The following ZNF609 variants were observed in gnomAD, a reference collection of about 807,000 sequenced individuals.
ZNF609 encodes zinc finger protein 609.
A neutral mutation model predicts 109.5 loss-of-function variants in ZNF609; 11 were observed. That is an observed-to-expected ratio of 0.10 (90% CI 0.06 to 0.17). The LOEUF (loss-of-function observed/expected upper bound fraction) is 0.17. Among genes scored for constraint, ZNF609 ranks in the 10% least tolerant of loss-of-function variants. The probability of loss-of-function intolerance (pLI) is 1.00; values close to 1 mark genes in which losing one functional copy is unlikely to be tolerated. For synonymous variants in ZNF609, 646 were observed against 662.0 expected (o/e 0.98, Z 0.37); for missense variants, 1,559 against 1,772.4 (o/e 0.88, Z 2.16).
chr15:64,515,151 T>A (rs1293469666), intron 2 of ZNF609, among the ~76,000 whole-genome samples: 1 of 152,220 alleles, frequency 6.6e-6, no homozygotes, highest in Non-Finnish European at 1.5e-5. Flanking sequence ...CATTATAGTC[T>A]GGGTACAGCA....
At chr15:64,541,576 C>T (rs536747708) in intron 2 of ZNF609, among the ~76,000 whole-genome samples, 9 of 152,028 alleles carry the variant, frequency 5.9e-5, no homozygotes, top group Non-Finnish European at 7.4e-5. Flanking sequence ...TGCCGTGGCT[C>T]ATGCCTGTAA....
intron 2 of ZNF609, among the ~76,000 whole-genome samples, chr15:64,587,281 A>T (rs777551316): frequency 3.4e-4 from 51 of 152,164 alleles, no homozygotes; most frequent in Non-Finnish European, 6.0e-4. Context: ...TCGAGGAAAA[A>T]ATCCTGTCTT....
At chr15:64,679,994 A>G (rs1317941591) in intron 6 of ZNF609, among the ~76,000 whole-genome samples, 191 bp from the exon 7 acceptor site, 3 of 152,154 alleles carry the variant, frequency 2.0e-5, no homozygotes, top group Non-Finnish European at 2.9e-5. Context: ...TGTTCCTAAT[A>G]TCCCTTAGCT....
chr15:64,562,207 T>G (rs1030234478), intron 2 of ZNF609, among the ~76,000 whole-genome samples: 9 of 152,220 alleles, frequency 5.9e-5, no homozygotes, highest in African/African-American at 2.2e-4. Context: ...CCAAGAACAT[T>G]GATAAATGTT....
chr15:64,517,962 C>G (rs755770422), intron 2 of ZNF609, among the ~76,000 whole-genome samples: 1 of 151,542 alleles, frequency 6.6e-6, no homozygotes, highest in Non-Finnish European at 1.5e-5. Flanking sequence ...GATTTTTTGT[C>G]GAGACAGGGT....
At chr15:64,610,356 G>C (rs1182254909) in intron 2 of ZNF609, among the ~76,000 whole-genome samples, 1 of 152,076 alleles carries the variant, frequency 6.6e-6, no homozygotes, top group Non-Finnish European at 1.5e-5. Context: ...AGGAAAGAGA[G>C]GATTAGGAAA....
rs1247258022 is a variant in ZNF609, at chr15:64,662,670, A to T, written c.974-7676A>T. 2.0e-5 allele frequency among the ~76,000 whole-genome samples: 3 copies of T among 146,984 alleles called. No individual in the cohort carries two copies. In the Admixed American group the frequency reaches 2.0e-4, roughly 10 times the overall value. On this transcript the variant is annotated intron_variant, in intron 3 of 9. Transcript: ENST00000326648. ...TGAGATATTTCTACTAAAACTAATA[A>T]TTTTTTTTTTCTTGAGACAGGGTCT...
intron 1 of ZNF609, among the ~76,000 whole-genome samples, chr15:64,467,098 A>T (rs554270908): frequency 4.6e-5 from 7 of 152,204 alleles, no homozygotes; most frequent in Non-Finnish European, 8.8e-5. Flanking sequence ...AGAGTCCCAG[A>T]AATAAGAGAT....
chr15:64,503,658 A>T (rs941557712), intron 2 of ZNF609, among the ~76,000 whole-genome samples: 4 of 152,140 alleles, frequency 2.6e-5, no homozygotes, highest in African/African-American at 9.7e-5. Context: ...GTAGTTAAAG[A>T]AAGGATCTAG....
At chr15:64,468,449 G>A (rs536592545) in intron 1 of ZNF609, among the ~76,000 whole-genome samples, 3 of 150,932 alleles carry the variant, frequency 2.0e-5, no homozygotes, top group South Asian at 2.1e-4. Context: ...TTTTTGTTTC[G>A]CTGCATTGCC....
intron 2 of ZNF609, among the ~76,000 whole-genome samples, chr15:64,511,634 C>T (rs1467774319): frequency 1.3e-5 from 2 of 151,822 alleles, no homozygotes; most frequent in Non-Finnish European, 2.9e-5. Context: ...GGGTACGTAT[C>T]AGAGTCACTT....
intron 3 of ZNF609, among the ~76,000 whole-genome samples, chr15:64,639,841 G>T (rs926240108): frequency 6.6e-6 from 1 of 152,142 alleles, no homozygotes; most frequent in East Asian, 1.9e-4. Flanking sequence ...GAGAGACATT[G>T]CTTCCCAAAG....
At chr15:64,610,118 C>G (rs1895693472) in intron 2 of ZNF609, among the ~76,000 whole-genome samples, 1 of 152,166 alleles carries the variant, frequency 6.6e-6, no homozygotes, top group East Asian at 1.9e-4. Context: ...ACAAGGATCT[C>G]TTGAGCCCAG....
chr15:64,549,990 G>A (rs1482856922), intron 2 of ZNF609, among the ~76,000 whole-genome samples: 1 of 151,952 alleles, frequency 6.6e-6, no homozygotes, highest in African/African-American at 2.4e-5. Flanking sequence ...AGAGACAAGG[G>A]TCTTGCTATA....
intron 2 of ZNF609, among the ~76,000 whole-genome samples, chr15:64,562,806 T>C (rs1894701256): frequency 6.6e-6 from 1 of 152,046 alleles, no homozygotes; most frequent in South Asian, 2.1e-4. Flanking sequence ...ATTTTAATAT[T>C]AGCAGCAAGT....
intron 2 of ZNF609, among the ~76,000 whole-genome samples, chr15:64,554,262 T>C (rs894813353): frequency 9.2e-5 from 14 of 152,212 alleles, no homozygotes; most frequent in Admixed American, 3.3e-4. Flanking sequence ...ATTCCTGGCG[T>C]GTTGAGTGTT....
intron 2 of ZNF609, among the ~76,000 whole-genome samples, chr15:64,541,968 T>C (rs1054137467): frequency 1.3e-5 from 2 of 152,038 alleles, no homozygotes; most frequent in African/African-American, 4.8e-5. Flanking sequence ...TTCTCTTCAG[T>C]GGATCTGTTT....
chr15:64,644,536 A>C (rs1441389380), intron 3 of ZNF609, among the ~76,000 whole-genome samples: 1 of 152,198 alleles, frequency 6.6e-6, no homozygotes, highest in Non-Finnish European at 1.5e-5. Flanking sequence ...AGGTCTTTAA[A>C]ATATAACAGA....
chr15:64,586,374 A>G (rs1895196943), intron 2 of ZNF609, among the ~76,000 whole-genome samples: 1 of 152,070 alleles, frequency 6.6e-6, no homozygotes, highest in Non-Finnish European at 1.5e-5. Context: ...AGTATCAGCA[A>G]CATTTTCTAC....
Sources: allele counts gnomAD v4.1 joint callset (sites outside exome capture counted in the v4.1 genomes callset), GRCh38; gene constraint gnomAD v4.1.1; transcripts MANE v1.5; gene names NCBI Gene and HGNC (gene_info 2026-07-23, HGNC 2026-07-21).